LRBA: variants seen among roughly 807,000 people sequenced by gnomAD.
LRBA encodes the protein LPS responsive beige-like anchor protein, also known as lipopolysaccharide-responsive and beige-like anchor protein.
Under a neutral mutation model 330.0 loss-of-function variants are expected in LRBA, and 176 were observed. The ratio of observed to expected loss-of-function variants is 0.53; its 90% CI spans 0.47 to 0.60. LRBA has a LOEUF of 0.60. Among genes scored for constraint, LRBA ranks in the 20% least tolerant of loss-of-function variants. LRBA has a pLI of 0.00. For synonymous variants in LRBA, 1,230 were observed against 1,193.0 expected (o/e 1.03, Z -0.64); for missense variants, 3,259 against 3,444.8 (o/e 0.95, Z 1.35).
chr4:150,412,215 G>A (rs953554341), intron 47 of LRBA, among the ~76,000 whole-genome samples: 1 of 152,072 alleles, frequency 6.6e-6, no homozygotes, highest in Non-Finnish European at 1.5e-5. Flanking sequence ...TTCTGTTTAG[G>A]AATGTAAGCT....
intron 25 of LRBA, 36 bp from the exon 26 acceptor site, chr4:150,849,034 A>G: frequency 7.2e-7 from 1 of 1,397,970 alleles, no homozygotes; most frequent in Non-Finnish European, 9.7e-7. Context: ...ATATATATAT[A>G]TTCTGAAAAA....
intron 34 of LRBA, among the ~76,000 whole-genome samples, chr4:150,765,615 A>T (rs913789138): frequency 6.6e-6 from 1 of 152,138 alleles, no homozygotes; most frequent in Non-Finnish European, 1.5e-5. Context: ...AGTATTTACT[A>T]GTACTATTTT....
intron 46 of LRBA, among the ~76,000 whole-genome samples, chr4:150,434,824 C>T (rs1433495794): frequency 1.3e-5 from 2 of 151,520 alleles, no homozygotes; most frequent in Admixed American, 1.3e-4. Context: ...GCCACTGCAC[C>T]TCTAGCCTGA....
At chr4:150,751,630 T>C (rs910332726) in intron 35 of LRBA, among the ~76,000 whole-genome samples, 2 of 152,126 alleles carry the variant, frequency 1.3e-5, no homozygotes, top group Admixed American at 1.3e-4. Flanking sequence ...TTACTGTAGA[T>C]TAAATGTCTA....
At chr4:150,437,150 C>CTG in intron 44 of LRBA, among the ~76,000 whole-genome samples, 1 of 152,120 alleles carries the variant, frequency 6.6e-6, no homozygotes, top group East Asian at 1.9e-4. Context: ...CAGATAAAGA[C>CTG]AATTACATGA....
At chr4:150,767,537 A>G (rs1735920836) in intron 34 of LRBA, among the ~76,000 whole-genome samples, 1 of 152,058 alleles carries the variant, frequency 6.6e-6, no homozygotes. Flanking sequence ...AGGCAGGCAG[A>G]TCACGAGGTC....
chr4:150,467,748 A>G lies in LRBA; in HGVS notation c.6705T>C (p.Phe2235=), dbSNP rs1755616772. Residue 2235 remains phenylalanine, a synonymous_variant, in exon 44 of 57, where the codon TTT becomes TTC. Coordinates refer to ENST00000651943, the MANE Select transcript of LRBA (RefSeq NM_001364905.1). ...SYNDLNQYPV[F]PWVITNYESE... is the part of the protein sequence containing the mutation. ...ATTCATAATTAGTGATGACCCAAGGAAACACTGGATACTGATTTAAGTCAT... is the reference window on the plus strand; with the variant it reads ...ATTCATAATTAGTGATGACCCAAGGGAACACTGGATACTGATTTAAGTCAT... The G allele has an allele frequency of 2.5e-6, 4 of 1,602,768 alleles. No individual in the cohort carries two copies. Among genetic ancestry groups the G allele is most frequent in the Non-Finnish European group, 3.4e-6 (4 of 1,171,480 alleles).
intron 35 of LRBA, among the ~76,000 whole-genome samples, chr4:150,756,993 A>T (rs1159098479): frequency 6.6e-6 from 1 of 152,180 alleles, no homozygotes; most frequent in Non-Finnish European, 1.5e-5. Context: ...AGTATTCAGG[A>T]ATAACAATGT....
At chr4:150,864,959 T>C (rs1230758128) in intron 22 of LRBA, among the ~76,000 whole-genome samples, 1 of 152,162 alleles carries the variant, frequency 6.6e-6, no homozygotes, top group Admixed American at 6.5e-5. Flanking sequence ...CTTTAGGTTA[T>C]ACTTTTAACA....
intron 34 of LRBA, 24 bp from the exon 35 acceptor site, chr4:150,761,871 G>C (rs1175820245): frequency 1.6e-6 from 2 of 1,281,190 alleles, no homozygotes; most frequent in Non-Finnish European, 1.1e-6. Flanking sequence ...AGCAAAAATA[G>C]CTGAAGAAAT....
Position 150,857,923 on chromosome 4 carries a change from T to C in LRBA, c.2767-4980A>G, listed in dbSNP as rs563530557. ...GGCATTAAAATTCATGTAAGAAGCATATCATTAAATAATACTCTAAAATAG... is the reference window on the plus strand; with the variant it reads ...GGCATTAAAATTCATGTAAGAAGCACATCATTAAATAATACTCTAAAATAG... On this transcript the variant is annotated intron_variant, in intron 22 of 56. Coordinates refer to ENST00000651943, the MANE Select transcript of LRBA (RefSeq NM_001364905.1). 2.6e-5 allele frequency among the ~76,000 whole-genome samples: 4 copies of C among 152,304 alleles called. No individual in the cohort carries two copies. In the East Asian group the frequency reaches 7.7e-4, roughly 29 times the overall value.
chr4:150,707,924 A>G (rs1037420059), intron 36 of LRBA, among the ~76,000 whole-genome samples: 10 of 151,772 alleles, frequency 6.6e-5, no homozygotes, highest in African/African-American at 2.4e-4. Context: ...AATAATACAC[A>G]ATTTGCTAAA....
intron 36 of LRBA, among the ~76,000 whole-genome samples, chr4:150,704,473 A>C (rs1284318854): frequency 1.3e-5 from 2 of 152,114 alleles, no homozygotes; most frequent in Middle Eastern, 3.4e-3. Context: ...AGAGCCACTG[A>C]TCTAAATCAA....
chr4:150,438,363 A>G (rs1751399624), intron 44 of LRBA, among the ~76,000 whole-genome samples: 1 of 152,020 alleles, frequency 6.6e-6, no homozygotes, highest in Non-Finnish European at 1.5e-5. Flanking sequence ...TGTCCCTGTA[A>G]TCCCAGCTAC....
intron 40 of LRBA, among the ~76,000 whole-genome samples, chr4:150,495,809 C>G (rs1228315314): frequency 6.6e-6 from 1 of 152,178 alleles, no homozygotes; most frequent in Non-Finnish European, 1.5e-5. Flanking sequence ...GTCTAGCCCT[C>G]CAATGAATCA....
intron 34 of LRBA, among the ~76,000 whole-genome samples, chr4:150,787,342 C>T (rs572875591): frequency 4.0e-5 from 6 of 151,748 alleles, no homozygotes; most frequent in East Asian, 1.9e-4. Flanking sequence ...AAAATTGTTT[C>T]GAGAAAGTAG....
chr4:150,719,253 G>A (rs1278130344), intron 36 of LRBA, among the ~76,000 whole-genome samples: 5 of 151,336 alleles, frequency 3.3e-5, no homozygotes, highest in African/African-American at 4.9e-5. Flanking sequence ...CCAATTCCAC[G>A]TTTACTCCAT....
chr4:150,274,839 A>G (rs568205740), intron 56 of LRBA, among the ~76,000 whole-genome samples: 163 of 152,314 alleles, frequency 1.1e-3, no homozygotes, highest in South Asian at 6.0e-3. Context: ...TTCACAGCCA[A>G]TTTCTACCAG....
chr4:150,871,320 G>T, intron 19 of LRBA, 25 bp downstream of exon 19: 1 of 1,222,268 alleles, frequency 8.2e-7, no homozygotes, highest in Non-Finnish European at 1.2e-6. Context: ...AAATTTAGAG[G>T]AGTAAATCCT....
Sources: gnomAD v4.1 joint callset for allele counts (sites outside exome capture counted in the v4.1 genomes callset) on GRCh38, gnomAD v4.1.1 for gene constraint, MANE v1.5 for transcripts, NCBI Gene and HGNC (gene_info 2026-07-23, HGNC 2026-07-21) for gene names.